MARCHF3: variants seen among roughly 807,000 people sequenced by gnomAD.
The protein encoded by MARCHF3 is membrane associated ring-CH-type finger 3.
MARCHF3 carries 13 observed loss-of-function variants against 24.2 expected under a neutral mutation model. The observed-to-expected ratio is 0.54, with a 90% CI of 0.35 to 0.85. The LOEUF is 0.85. Among genes scored for constraint, MARCHF3 ranks in the 40% least tolerant of loss-of-function variants. The pLI, the probability that MARCHF3 is intolerant of heterozygous loss-of-function variation, is 0.01. For missense variants in MARCHF3, 276 were observed against 325.0 expected, an observed-to-expected ratio of 0.85 and a Z score of 1.16; for synonymous variants, 144 against 137.3, an observed-to-expected ratio of 1.05 and a Z score of -0.34.
At chr5:126,975,490 C>A (rs1751161852) in intron 1 of MARCHF3, among the ~76,000 whole-genome samples, 1 of 152,178 alleles carries the variant, frequency 6.6e-6, no homozygotes, top group Admixed American at 6.5e-5. Flanking sequence ...TAAAAACATT[C>A]AAAATCCTCT....
At chr5:126,997,374 A>G (rs1165744733) in intron 1 of MARCHF3, among the ~76,000 whole-genome samples, 1 of 152,218 alleles carries the variant, frequency 6.6e-6, no homozygotes, top group Non-Finnish European at 1.5e-5. Flanking sequence ...AGCAGAAGAA[A>G]CACAGAAAGA....
At chr5:126,963,009 T>G (rs2126823756) in intron 1 of MARCHF3, among the ~76,000 whole-genome samples, 1 of 152,300 alleles carries the variant, frequency 6.6e-6, no homozygotes, top group Non-Finnish European at 1.5e-5. Flanking sequence ...TGACGTTCTC[T>G]AAGCTTTATT....
intron 1 of MARCHF3, among the ~76,000 whole-genome samples, chr5:126,930,802 C>A (rs1749458859): frequency 6.6e-6 from 1 of 152,234 alleles, no homozygotes; most frequent in South Asian, 2.1e-4. Context: ...TTAACAGTGG[C>A]TGACAAGTGT....
At chr5:126,930,697 C>G (rs931934218) in intron 1 of MARCHF3, among the ~76,000 whole-genome samples, 1 of 152,194 alleles carries the variant, frequency 6.6e-6, no homozygotes, top group Non-Finnish European at 1.5e-5. Context: ...TGTGTATGCA[C>G]GAGAAACATT....
rs1338618628 is a variant in MARCHF3, at chr5:126,992,294, T to C, written c.-57+38056A>G. 2.0e-5 allele frequency among the ~76,000 whole-genome samples: 3 copies of C among 152,324 alleles called. No individual in the cohort carries two copies. In the East Asian group the frequency reaches 5.8e-4, roughly 29 times the overall value. ...CAAACTGACATTCATAAGAATAATG[T>C]CAAATCAGCCTGAAACACAAGCACC... On this transcript the variant is annotated intron_variant, in intron 1 of 4. Coordinates refer to ENST00000308660, the MANE Select transcript of MARCHF3 (RefSeq NM_178450.5).
At chr5:126,891,225 C>T (rs1284735299) in intron 3 of MARCHF3, among the ~76,000 whole-genome samples, 1 of 151,708 alleles carries the variant, frequency 6.6e-6, no homozygotes, top group East Asian at 1.9e-4. Flanking sequence ...AAATTTTCTC[C>T]CATTCTGTAG....
chr5:126,924,560 T>C (rs1749231137), intron 1 of MARCHF3, among the ~76,000 whole-genome samples: 1 of 152,174 alleles, frequency 6.6e-6, no homozygotes, highest in Admixed American at 6.5e-5. Context: ...AACCAGACAG[T>C]GCACTGCATG....
At chr5:126,922,308 G>C (rs1260628223) in intron 1 of MARCHF3, among the ~76,000 whole-genome samples, 1 of 152,150 alleles carries the variant, frequency 6.6e-6, no homozygotes, top group African/African-American at 2.4e-5. Flanking sequence ...GACTTTTCCT[G>C]AGATTTCCTG....
intron 1 of MARCHF3, among the ~76,000 whole-genome samples, chr5:126,973,967 G>A (rs1041065714): frequency 7.5e-6 from 1 of 133,396 alleles, no homozygotes; most frequent in African/African-American, 2.8e-5. Flanking sequence ...GCACAATCTC[G>A]GCTCACTGCA....
At chr5:126,958,331 G>A (rs919306068) in intron 1 of MARCHF3, among the ~76,000 whole-genome samples, 4 of 152,006 alleles carry the variant, frequency 2.6e-5, no homozygotes, top group Non-Finnish European at 5.9e-5. Context: ...ACCATTAACC[G>A]TCCTCTATAT....
In MARCHF3 at chr5:126,945,157, ATCTCT is replaced by A. The variant is rs374882392; in HGVS notation, c.-56-26935_-56-26931del. ...ACAGCCAGCTCGTACTGTCTCACTGATCTCTTCTCAGCTTCACATTCAATGAAGCC... is the reference window on the plus strand; with the variant it reads ...ACAGCCAGCTCGTACTGTCTCACTGATCTCAGCTTCACATTCAATGAAGCC... On this transcript the variant is annotated intron_variant, in intron 1 of 4. Coordinates refer to ENST00000308660, the MANE Select transcript of MARCHF3 (RefSeq NM_178450.5). Among the ~76,000 whole-genome samples the A allele has an allele frequency of 5.6e-4, 86 of 152,308 alleles. 1 individual carries two copies. The South Asian group carries it at 8.5e-3, about 15-fold the overall frequency.
chr5:126,882,035 C>G (rs1013839474), intron 3 of MARCHF3, among the ~76,000 whole-genome samples: 2 of 152,168 alleles, frequency 1.3e-5, no homozygotes, highest in Admixed American at 6.5e-5. Flanking sequence ...GTCCTCACAA[C>G]AGTCCTATGT....
At chr5:126,884,307 G>T (rs1753437923) in intron 3 of MARCHF3, among the ~76,000 whole-genome samples, 2 of 146,076 alleles carry the variant, frequency 1.4e-5, no homozygotes, top group Admixed American at 1.3e-4. Flanking sequence ...GAGTTTCCAG[G>T]ACAGCTGAAG....
chr5:126,959,426 T>C (rs1750566750), intron 1 of MARCHF3, among the ~76,000 whole-genome samples: 1 of 152,122 alleles, frequency 6.6e-6, no homozygotes, highest in Non-Finnish European at 1.5e-5. Context: ...AAAGAAAGTC[T>C]GAGAAACTAT....
intron 4 of MARCHF3, among the ~76,000 whole-genome samples, chr5:126,875,879 C>T (rs1326075653): frequency 6.6e-6 from 1 of 152,206 alleles, no homozygotes; most frequent in Non-Finnish European, 1.5e-5. Flanking sequence ...CAATTATTTC[C>T]TGTATTTTTT....
intron 1 of MARCHF3, among the ~76,000 whole-genome samples, chr5:127,017,110 G>A (rs117280791): frequency 0.016 from 2,396 of 152,212 alleles, 66 homozygotes; most frequent in South Asian, 0.11. Context: ...ACTGGGGCCT[G>A]TCAGGTGGTG....
chr5:126,870,632 A>G lies in MARCHF3; in HGVS notation c.*1T>C, dbSNP rs1437603552. 2 of 1,613,896 alleles carry G rather than the reference A, an allele frequency of 1.2e-6. No homozygotes were observed. Among genetic ancestry groups the G allele is most frequent in the Non-Finnish European group, 1.7e-6 (2 of 1,179,930 alleles). ...CAAACAACCAACCAACCATACAAAC[A>G]TCAAACAACTGTCTCCTTTGAGTTC... On this transcript the variant is annotated 3_prime_UTR_variant, in exon 5 of 5. Transcript: ENST00000308660.
chr5:126,877,469 A>G (rs1369881961), intron 4 of MARCHF3, among the ~76,000 whole-genome samples: 1 of 152,190 alleles, frequency 6.6e-6, no homozygotes, highest in East Asian at 1.9e-4. Context: ...CAAATGTTGC[A>G]TTTTGTGGGT....
chr5:126,952,787 T>C (rs1750298660), intron 1 of MARCHF3, among the ~76,000 whole-genome samples: 1 of 152,170 alleles, frequency 6.6e-6, no homozygotes, highest in African/African-American at 2.4e-5. Context: ...TGTTCCTCCT[T>C]CTTCTATTAC....
Sources: allele counts gnomAD v4.1 joint callset (sites outside exome capture counted in the v4.1 genomes callset), GRCh38; gene constraint gnomAD v4.1.1; transcripts MANE v1.5; gene names NCBI Gene and HGNC (gene_info 2026-07-23, HGNC 2026-07-21).